The following STXBP5L variants were observed in gnomAD, a reference collection of about 807,000 sequenced individuals.
STXBP5L encodes syntaxin binding protein 5L.
Under a neutral mutation model 144.5 loss-of-function variants are expected in STXBP5L, and 65 were observed. The observed-to-expected ratio is 0.45, with a 90% CI of 0.37 to 0.55. STXBP5L has a LOEUF of 0.55. STXBP5L is among the 20% of genes least tolerant of loss of function. The probability of loss-of-function intolerance (pLI) is 0.00; values close to 1 mark genes in which losing one functional copy is unlikely to be tolerated. For missense variants in STXBP5L, 1,298 were observed against 1,405.5 expected (o/e 0.92, Z 1.22); for synonymous variants, 505 against 469.6 (o/e 1.08, Z -0.97).
intron 20 of STXBP5L, among the ~76,000 whole-genome samples, chr3:121,323,752 C>A (rs1245899569): frequency 8.8e-6 from 1 of 113,210 alleles, no homozygotes; most frequent in Non-Finnish European, 2.0e-5. Flanking sequence ...GGCTGTACAA[C>A]CTTTTTTTTC....
intron 7 of STXBP5L, among the ~76,000 whole-genome samples, chr3:121,151,472 G>A (rs1429933154): frequency 1.3e-5 from 2 of 151,988 alleles, no homozygotes; most frequent in Admixed American, 6.6e-5. Context: ...GTTATTTTTT[G>A]TGTCTCATTG....
intron 3 of STXBP5L, among the ~76,000 whole-genome samples, chr3:120,978,129 C>T (rs1941302952): frequency 6.6e-6 from 1 of 152,204 alleles, no homozygotes; most frequent in African/African-American, 2.4e-5. Context: ...GGATAATATC[C>T]TGCAGAGTGT....
At chr3:121,155,990 A>AG (rs1443098774) in intron 8 of STXBP5L, among the ~76,000 whole-genome samples, 3 of 151,844 alleles carry the variant, frequency 2.0e-5, no homozygotes, top group African/African-American at 7.2e-5. Flanking sequence ...CATGTAGGGG[A>AG]GGCAAGAAGA....
intron 9 of STXBP5L, among the ~76,000 whole-genome samples, chr3:121,191,100 C>T (rs969373788): frequency 2.0e-4 from 31 of 152,210 alleles, no homozygotes; most frequent in Non-Finnish European, 3.4e-4. Context: ...AGACGATGGG[C>T]GGCCAGGCAG....
chr3:121,132,364 T>G (rs183079371), intron 7 of STXBP5L, among the ~76,000 whole-genome samples: 214 of 152,268 alleles, frequency 1.4e-3, no homozygotes, highest in Middle Eastern at 6.8e-3. Flanking sequence ...TCTAGCTACC[T>G]GGGGAGAACC....
chr3:120,989,406 A>G (rs1194900815), intron 3 of STXBP5L, among the ~76,000 whole-genome samples: 1 of 152,090 alleles, frequency 6.6e-6, no homozygotes, highest in Non-Finnish European at 1.5e-5. Flanking sequence ...ATCTTTTCAT[A>G]TGTTTATTCG....
intron 8 of STXBP5L, 125 bp downstream of exon 8, chr3:121,152,685 T>A: frequency 1.7e-6 from 1 of 587,030 alleles, no homozygotes; most frequent in Non-Finnish European, 2.8e-6. Context: ...ACCCAGTGCT[T>A]CACACTGTCT....
At chr3:121,387,120 C>T (rs536070363) in intron 22 of STXBP5L, among the ~76,000 whole-genome samples, 1 of 152,306 alleles carries the variant, frequency 6.6e-6, no homozygotes, top group South Asian at 2.1e-4. Context: ...GATGGTATCT[C>T]ATTGTGGTTT....
At chr3:121,303,688 C>T (rs943536578) in intron 19 of STXBP5L, among the ~76,000 whole-genome samples, 1 of 152,166 alleles carries the variant, frequency 6.6e-6, no homozygotes, top group African/African-American at 2.4e-5. Context: ...CCATGGAATA[C>T]TATGCAGCCA....
chr3:121,114,320 T>C (rs1687942550), intron 5 of STXBP5L, among the ~76,000 whole-genome samples: 1 of 152,212 alleles, frequency 6.6e-6, no homozygotes, highest in African/African-American at 2.4e-5. Flanking sequence ...GTTTTCTTTT[T>C]ACTGCTTATA....
At chr3:121,354,486 A>C (rs1010598719) in intron 20 of STXBP5L, among the ~76,000 whole-genome samples, 2 of 144,180 alleles carry the variant, frequency 1.4e-5, no homozygotes, top group Non-Finnish European at 3.0e-5. Context: ...CTCTTTTGTC[A>C]GAGGCTAGAA....
intron 3 of STXBP5L, among the ~76,000 whole-genome samples, chr3:121,014,188 T>C (rs1944978898): frequency 6.6e-6 from 1 of 152,024 alleles, no homozygotes; most frequent in African/African-American, 2.4e-5. Context: ...TGTTGGTAAA[T>C]AGATAGGAAT....
At chr3:121,080,748 T>A (rs1313632274) in intron 5 of STXBP5L, among the ~76,000 whole-genome samples, 3 of 152,256 alleles carry the variant, frequency 2.0e-5, no homozygotes, top group Non-Finnish European at 4.4e-5. Flanking sequence ...TATCTGATGC[T>A]TTTGTCTCAC....
chr3:121,006,794 T>G (rs913567849), intron 3 of STXBP5L, among the ~76,000 whole-genome samples: 26 of 152,284 alleles, frequency 1.7e-4, no homozygotes, highest in African/African-American at 6.0e-4. Flanking sequence ...GGATTTTATT[T>G]CACCTTCACT....
At chr3:120,930,179 T>A (rs962182745) in intron 2 of STXBP5L, among the ~76,000 whole-genome samples, 36 of 144,712 alleles carry the variant, frequency 2.5e-4, no homozygotes, top group Non-Finnish European at 3.9e-4. Flanking sequence ...TTTTTTTTTT[T>A]ATGAGAAAAT....
chr3:121,206,143 T>G, intron 10 of STXBP5L, 142 bp downstream of exon 10: 1 of 445,830 alleles, frequency 2.2e-6, no homozygotes, highest in Non-Finnish European at 4.0e-6. Context: ...TTGACTTGTC[T>G]CATAGACATA....
chr3:121,053,820 A>T (rs1386746488), intron 5 of STXBP5L, among the ~76,000 whole-genome samples: 1 of 152,154 alleles, frequency 6.6e-6, no homozygotes, highest in Non-Finnish European at 1.5e-5. Flanking sequence ...AATGGGAGAA[A>T]ATTTTCGCAA....
chr3:121,091,622 G>T (rs1010432013), intron 5 of STXBP5L, among the ~76,000 whole-genome samples: 21 of 151,942 alleles, frequency 1.4e-4, no homozygotes, highest in Non-Finnish European at 2.9e-4. Flanking sequence ...TTTTTGATGG[G>T]GTTGTTTTTT....
intron 20 of STXBP5L, among the ~76,000 whole-genome samples, chr3:121,333,848 C>T (rs191490422): frequency 2.6e-5 from 4 of 152,226 alleles, no homozygotes; most frequent in Admixed American, 2.6e-4. Context: ...ACTCAACAGA[C>T]CAATAACAAG....
Sources: allele counts gnomAD v4.1 joint callset (sites outside exome capture counted in the v4.1 genomes callset), GRCh38; gene constraint gnomAD v4.1.1; transcripts MANE v1.5; gene names NCBI Gene and HGNC (gene_info 2026-07-23, HGNC 2026-07-21).